Variants in NCOR2 observed in about 807,000 individuals in gnomAD.
The protein encoded by NCOR2 is CTG repeat protein 26.
Under a neutral mutation model 262.9 loss-of-function variants are expected in NCOR2, and 81 were observed. The ratio of observed to expected loss-of-function variants is 0.31; its 90% CI spans 0.26 to 0.37. NCOR2 has a LOEUF of 0.37. NCOR2 is among the 10% of genes least tolerant of loss of function. NCOR2 has a pLI of 1.00. For synonymous variants in NCOR2, 1,659 were observed against 1,559.3 expected, an observed-to-expected ratio of 1.06 and a Z score of -1.51; for missense variants, 3,385 against 3,621.4, an observed-to-expected ratio of 0.93 and a Z score of 1.68.
At chr12:124,354,324 C>T in intron 26 of NCOR2, 128 bp from the exon 29 acceptor site, 2 of 1,159,748 alleles carry the variant, frequency 1.7e-6, no homozygotes, top group South Asian at 2.9e-5. Flanking sequence ...AGAGGGAGTC[C>T]CCCTACCCCT....
At chr12:124,363,055 G>A (rs1593222534) in intron 21 of NCOR2, among the ~76,000 whole-genome samples, 1 of 152,286 alleles carries the variant, frequency 6.6e-6, no homozygotes, top group South Asian at 2.1e-4. Flanking sequence ...CTCCTTCTGT[G>A]GACCCAAATC....
chr12:124,532,553 C>A (rs1228340356), intron 1 of NCOR2, among the ~76,000 whole-genome samples: 1 of 152,218 alleles, frequency 6.6e-6, no homozygotes, highest in Non-Finnish European at 1.5e-5. Flanking sequence ...CGTCTGTCTG[C>A]CTTCCCGGCC....
At chr12:124,379,530 G>A (rs1413268755) in intron 17 of NCOR2, among the ~76,000 whole-genome samples, 1 of 152,226 alleles carries the variant, frequency 6.6e-6, no homozygotes, top group East Asian at 1.9e-4. Flanking sequence ...ACTCCCAGGG[G>A]GACTGGAAAG....
chr12:124,507,163 A>G (rs547775603), intron 1 of NCOR2, among the ~76,000 whole-genome samples: 7 of 152,332 alleles, frequency 4.6e-5, no homozygotes, highest in Admixed American at 2.0e-4. Flanking sequence ...TCATAGAGAC[A>G]AAAAGGAAAA....
intron 7 of NCOR2, among the ~76,000 whole-genome samples, chr12:124,439,780 G>A (rs868682419): frequency 2.0e-5 from 3 of 152,090 alleles, no homozygotes; most frequent in South Asian, 2.1e-4. Flanking sequence ...AAGATCCAAA[G>A]GAAGGGGACA....
At chr12:124,509,864 C>G (rs920870939) in intron 1 of NCOR2, among the ~76,000 whole-genome samples, 7 of 152,150 alleles carry the variant, frequency 4.6e-5, no homozygotes, top group African/African-American at 1.7e-4. Flanking sequence ...GACACACCCC[C>G]CGACGGCCGC....
At chr12:124,373,257 CCGGGCACAG>C in intron 19 of NCOR2, among the ~76,000 whole-genome samples, 2 of 125,692 alleles carry the variant, frequency 1.6e-5, no homozygotes, top group Non-Finnish European at 3.5e-5. Context: ...TGCAGGGGAC[CCGGGCACAG>C]TGGACAATCA....
intron 31 of NCOR2, among the ~76,000 whole-genome samples, chr12:124,345,957 C>A (rs1593148314): frequency 2.0e-5 from 3 of 152,300 alleles, no homozygotes; most frequent in Non-Finnish European, 4.4e-5. Flanking sequence ...GTCCTCGTAC[C>A]ATCGGCACGG....
chr12:124,419,361 T>C (rs1486071142), intron 13 of NCOR2, among the ~76,000 whole-genome samples: 3 of 152,202 alleles, frequency 2.0e-5, no homozygotes, highest in Non-Finnish European at 4.4e-5. Flanking sequence ...CAAACAGGCA[T>C]GGCTGTGTTC....
rs562297852 is a variant in NCOR2 at position 124,503,638 on chromosome 12, G to A, written c.-117-8270C>T. On this transcript the variant is annotated intron_variant, in intron 1 of 46. Coordinates refer to the NCOR2 transcript ENST00000404621. The surrounding 1 kb of genome is among the most constrained non-coding windows in gnomAD (Gnocchi z 4.3). ...CGGATGGATGGATGGATGGATGGGC[G>A]AATGGATGGATGGATGGATGGATGG... is the stretch of plus-strand genomic sequence containing the variant. 6.8e-6 allele frequency among the ~76,000 whole-genome samples: 1 copy of A among 146,822 alleles called. No homozygotes were observed. Among genetic ancestry groups the A allele is most frequent in the South Asian group, 2.2e-4 (1 of 4,574 alleles).
exon 47 of NCOR2, chr12:124,325,467 C>A: frequency 1.5e-6 from 2 of 1,366,294 alleles, no homozygotes; most frequent in Non-Finnish European, 1.9e-6. Context: ...TCGTCCCAGG[C>A]GTGGTGGGGG....
At chr12:124,416,666 GCACAGGGAGACCCGCGA>G (rs1252588046) in intron 13 of NCOR2, among the ~76,000 whole-genome samples, 2 of 147,336 alleles carry the variant, frequency 1.4e-5, no homozygotes, top group South Asian at 2.2e-4. Context: ...AGACCCCACA[GCACAGGGAGACCCGCGA>G]CACAGGGAGT....
chr12:124,403,642 A>G (rs1365900233), intron 13 of NCOR2, among the ~76,000 whole-genome samples: 2 of 152,194 alleles, frequency 1.3e-5, no homozygotes, highest in Non-Finnish European at 2.9e-5. Context: ...GGGCACAGTC[A>G]CGGCAATGTT....
chr12:124,544,035 T>C (rs2051463897), intron 1 of NCOR2, among the ~76,000 whole-genome samples: 1 of 152,192 alleles, frequency 6.6e-6, no homozygotes, highest in Non-Finnish European at 1.5e-5. Flanking sequence ...TTCCCAGGAC[T>C]GGGATCCACA....
intron 13 of NCOR2, among the ~76,000 whole-genome samples, chr12:124,416,237 A>G (rs932266219): frequency 7.7e-6 from 1 of 129,916 alleles, no homozygotes; most frequent in Non-Finnish European, 1.7e-5. Flanking sequence ...AAAAAAAAAC[A>G]TCTCTATTTA....
chr12:124,415,199 C>T (rs1042273045), intron 13 of NCOR2, among the ~76,000 whole-genome samples: 6 of 152,192 alleles, frequency 3.9e-5, no homozygotes, highest in South Asian at 2.1e-4. Flanking sequence ...ACAGCCTTGG[C>T]GCACTCAGAG....
intron 33 of NCOR2, among the ~76,000 whole-genome samples, 198 bp downstream of exon 35, chr12:124,342,807 C>T (rs2036571151): frequency 6.6e-6 from 1 of 152,216 alleles, no homozygotes; most frequent in Non-Finnish European, 1.5e-5. Flanking sequence ...CCCCACATGT[C>T]CTGCAAACTA....
At chr12:124,558,154 A>AACAGAGG (rs1425860872) in intron 1 of NCOR2, among the ~76,000 whole-genome samples, 3 of 152,076 alleles carry the variant, frequency 2.0e-5, no homozygotes, top group Non-Finnish European at 4.4e-5. Flanking sequence ...TGTGAGGACA[A>AACAGAGG]ACAGAGTCCT....
chr12:124,440,317 G>C lies in NCOR2; in HGVS notation c.816-2321C>G, dbSNP rs576136183. Among the ~76,000 whole-genome samples, 1 of 152,174 alleles carries C rather than the reference G, an allele frequency of 6.6e-6. No individual in the cohort carries two copies. Among genetic ancestry groups the C allele is most frequent in the Non-Finnish European group, 1.5e-5 (1 of 68,026 alleles). On this transcript the variant is annotated intron_variant, in intron 7 of 46. Transcript: ENST00000405201. This position sits in a 1 kb window ranked among gnomAD's most constrained non-coding sequence, Gnocchi z 5.7. ...GAGGGAACCCCAGGCTCTGACGGAC[G>C]AGTGAAGCCTCATGGGGCTCAAGGG...
Sources: gnomAD v4.1 joint callset for allele counts (sites outside exome capture counted in the v4.1 genomes callset) on GRCh38, gnomAD v4.1.1 for gene constraint, Gnocchi (gnomAD v3.1) non-coding constraint, MANE v1.5 for transcripts, NCBI Gene and HGNC (gene_info 2026-07-23, HGNC 2026-07-21) for gene names.